The following PTPRG variants were observed in gnomAD, a reference collection of about 807,000 sequenced individuals.
PTPRG encodes receptor-type tyrosine-protein phosphatase gamma.
A neutral mutation model predicts 165.3 loss-of-function variants in PTPRG; 102 were observed. The observed-to-expected ratio is 0.62, with a 90% CI of 0.53 to 0.73. The LOEUF is 0.73. Among genes scored for constraint, PTPRG ranks in the 30% least tolerant of loss-of-function variants. The pLI, the probability that PTPRG is intolerant of heterozygous loss-of-function variation, is 0.00. For synonymous variants in PTPRG, 675 were observed against 669.5 expected (o/e 1.01, Z -0.13); for missense variants, 1,866 against 1,861.4 (o/e 1.00, Z -0.05).
intron 5 of PTPRG, among the ~76,000 whole-genome samples, chr3:62,121,037 C>T (rs1002654585): frequency 1.9e-4 from 29 of 151,594 alleles, no homozygotes; most frequent in Non-Finnish European, 2.9e-4. Flanking sequence ...CTGTGCCCCC[C>T]GGGTTCATGC....
At chr3:61,843,311 A>G (rs2036705732) in intron 2 of PTPRG, among the ~76,000 whole-genome samples, 1 of 152,214 alleles carries the variant, frequency 6.6e-6, no homozygotes, top group Non-Finnish European at 1.5e-5. Context: ...GGTATTTAAA[A>G]CAGTGTGGTA....
At chr3:62,260,075 T>C (rs1701648215) in intron 16 of PTPRG, among the ~76,000 whole-genome samples, 1 of 152,140 alleles carries the variant, frequency 6.6e-6, no homozygotes, top group Non-Finnish European at 1.5e-5. Flanking sequence ...GAAGATGCAG[T>C]GTAACCAGCA....
chr3:61,740,842 A>C (rs926651703), intron 1 of PTPRG, among the ~76,000 whole-genome samples: 1 of 152,222 alleles, frequency 6.6e-6, no homozygotes, highest in African/African-American at 2.4e-5. Context: ...TTTGAATATG[A>C]TAAAATAGGG....
chr3:61,844,856 C>T (rs2036762415), intron 2 of PTPRG, among the ~76,000 whole-genome samples: 1 of 152,118 alleles, frequency 6.6e-6, no homozygotes, highest in Non-Finnish European at 1.5e-5. Context: ...AGAACAATTT[C>T]ATCAGACTTT....
intron 2 of PTPRG, among the ~76,000 whole-genome samples, chr3:61,972,854 C>T (rs1378486287): frequency 6.6e-6 from 1 of 150,516 alleles, no homozygotes; most frequent in African/African-American, 2.5e-5. Context: ...AGACAGGGTC[C>T]TCCTATGTTG....
At chr3:62,145,149 G>A (rs890336686) in intron 6 of PTPRG, among the ~76,000 whole-genome samples, 3 of 152,174 alleles carry the variant, frequency 2.0e-5, no homozygotes, top group African/African-American at 7.2e-5. Flanking sequence ...AGACACTATT[G>A]CGTAGTGGGT....
chr3:62,191,728 GCA>G (rs1559628073), intron 9 of PTPRG, 75 bp downstream of exon 9: 1 of 1,402,468 alleles, frequency 7.1e-7, no homozygotes, highest in Non-Finnish European at 9.9e-7. Flanking sequence ...GCCAGGCACT[GCA>G]CAGTGTGCCA....
chr3:61,630,980 C>T (rs539223808), intron 1 of PTPRG, among the ~76,000 whole-genome samples: 3 of 151,854 alleles, frequency 2.0e-5, no homozygotes, highest in South Asian at 4.2e-4. Flanking sequence ...CGCTTGAACC[C>T]GGGAGGTGGA....
At chr3:61,967,201 T>C (rs2040290425) in intron 2 of PTPRG, among the ~76,000 whole-genome samples, 1 of 152,204 alleles carries the variant, frequency 6.6e-6, no homozygotes, top group African/African-American at 2.4e-5. Context: ...ATAGGGCCTA[T>C]TGCAGTTATC....
chr3:61,636,834 G>T (rs936904747), intron 1 of PTPRG, among the ~76,000 whole-genome samples: 2 of 151,888 alleles, frequency 1.3e-5, no homozygotes, highest in African/African-American at 4.8e-5. Context: ...ATGATTTTTT[G>T]ATTAATCTCA....
At chr3:62,124,930 A>G (rs774193964) in intron 5 of PTPRG, among the ~76,000 whole-genome samples, 1 of 152,044 alleles carries the variant, frequency 6.6e-6, no homozygotes, top group Non-Finnish European at 1.5e-5. Flanking sequence ...GCCCACCCTC[A>G]AGGGAAGGTG....
At chr3:61,654,524 A>G (rs542143455) in intron 1 of PTPRG, among the ~76,000 whole-genome samples, 11 of 151,196 alleles carry the variant, frequency 7.3e-5, no homozygotes, top group Non-Finnish European at 1.3e-4. Flanking sequence ...AGATGTGACT[A>G]GAGGCATGTG....
intron 4 of PTPRG, among the ~76,000 whole-genome samples, chr3:62,020,700 TTTGTTG>T (rs533423189): frequency 4.6e-4 from 70 of 151,932 alleles, no homozygotes; most frequent in African/African-American, 1.6e-3. Flanking sequence ...TATTTCTGGT[TTTGTTG>T]TTGTTGTTGT....
At chr3:61,737,658 G>A (rs1225041833) in intron 1 of PTPRG, among the ~76,000 whole-genome samples, 2 of 152,030 alleles carry the variant, frequency 1.3e-5, no homozygotes, top group Non-Finnish European at 1.5e-5. Flanking sequence ...TTGGAATGAG[G>A]TCCACCCCCT....
intron 1 of PTPRG, among the ~76,000 whole-genome samples, chr3:61,604,243 G>C (rs924101513): frequency 6.6e-6 from 1 of 152,228 alleles, no homozygotes; most frequent in African/African-American, 2.4e-5. Flanking sequence ...AGAATCACTT[G>C]GACCTGGGAG....
At chr3:61,869,205 A>G (rs985404292) in intron 2 of PTPRG, among the ~76,000 whole-genome samples, 2 of 152,184 alleles carry the variant, frequency 1.3e-5, no homozygotes, top group South Asian at 4.1e-4. Flanking sequence ...CCCTCTACCT[A>G]GAGATTGCCA....
chr3:61,960,951 TACTC>T (rs918300735), intron 2 of PTPRG, among the ~76,000 whole-genome samples: 5 of 152,168 alleles, frequency 3.3e-5, no homozygotes, highest in Admixed American at 2.6e-4. Flanking sequence ...TTGGGCCAGT[TACTC>T]AATCCATTAG....
At chr3:62,055,585 C>T (rs1165337343) in intron 4 of PTPRG, among the ~76,000 whole-genome samples, 1 of 152,174 alleles carries the variant, frequency 6.6e-6, no homozygotes, top group African/African-American at 2.4e-5. Context: ...TAGCTTAGAA[C>T]AGCAGATATT....
chr3:61,988,710 T>C (rs1422669555), intron 2 of PTPRG, among the ~76,000 whole-genome samples: 2 of 152,196 alleles, frequency 1.3e-5, no homozygotes, highest in African/African-American at 4.8e-5. Flanking sequence ...TCTTAATCTT[T>C]CCAGTAAAAG....
Sources: allele counts gnomAD v4.1 joint callset (sites outside exome capture counted in the v4.1 genomes callset), GRCh38; gene constraint gnomAD v4.1.1; transcripts MANE v1.5; gene names NCBI Gene and HGNC (gene_info 2026-07-23, HGNC 2026-07-21).